Variants in NRG4 observed in about 807,000 individuals in gnomAD.
NRG4 encodes the protein pro-neuregulin-4, membrane-bound isoform.
NRG4 carries 10 observed loss-of-function variants against 15.0 expected under a neutral mutation model. The observed-to-expected ratio is 0.67, with a 90% CI of 0.41 to 1.13. The LOEUF is 1.13. NRG4 is among the 50% of genes most tolerant of loss of function. The pLI is 0.00. For missense variants in NRG4, 139 were observed against 140.2 expected (o/e 0.99, Z 0.04); for synonymous variants, 41 against 50.1 (o/e 0.82, Z 0.77).
chr15:75,941,711 T>C lies in NRG4; in HGVS notation c.*1927A>G, dbSNP rs1382992137. On this transcript the variant is annotated 3_prime_UTR_variant, in exon 6 of 6. Coordinates refer to ENST00000394907, the MANE Select transcript of NRG4 (RefSeq NM_138573.4). ...GAGGTACCTAGACTAGTGAGATTCA[T>C]AGAGACAAAGTAGAACAAAGATTAC... is the stretch of plus-strand genomic sequence containing the variant. 2 of 152,118 alleles carry C rather than the reference T, an allele frequency of 1.3e-5. No homozygotes were observed. Among genetic ancestry groups the C allele is most frequent in the Admixed American group, 6.5e-5 (1 of 15,286 alleles). 9.4% of individuals were successfully genotyped at this position (152,118 alleles called of 1,614,324 possible).
chr15:76,059,280 C>G (rs564199386), intron 1 of NRG4, among the ~76,000 whole-genome samples: 12 of 152,224 alleles, frequency 7.9e-5, no homozygotes, highest in Non-Finnish European at 1.5e-4. Flanking sequence ...AGGCAGCCAA[C>G]TGAGAGTCAA....
In NRG4 at chr15:75,986,815, G is replaced by T. The variant is rs560874087; in HGVS notation, c.104+22385C>A. Among the ~76,000 whole-genome samples, 8 of 152,206 alleles carry T rather than the reference G, an allele frequency of 5.3e-5. No individual in the cohort carries two copies. The East Asian group carries it at 1.5e-3, about 29-fold the overall frequency. On this transcript the variant is annotated intron_variant, in intron 3 of 5. Coordinates refer to ENST00000394907, the MANE Select transcript of NRG4 (RefSeq NM_138573.4). ...GAGGCAAAAATCAGATTAAGGATAT[G>T]GCCCTCCCAAACTAAGCCTAGTTTC...
At chr15:76,023,183 C>CA (rs1555438525) in intron 5 of NRG4, among the ~76,000 whole-genome samples, 3 of 112,460 alleles carry the variant, frequency 2.7e-5, no homozygotes, top group Admixed American at 8.9e-5. Flanking sequence ...CACACACACA[C>CA]AAGCAAGGAC....
rs2034324206 is a variant in NRG4, at chr15:75,999,367, T to G, written c.104+9833A>C. Among the ~76,000 whole-genome samples, 8 of 152,326 alleles carry G rather than the reference T, an allele frequency of 5.3e-5. No individual in the cohort carries two copies. The South Asian group carries it at 1.7e-3, about 32-fold the overall frequency. On this transcript the variant is annotated intron_variant, in intron 3 of 5. Coordinates refer to ENST00000394907, the MANE Select transcript of NRG4 (RefSeq NM_138573.4). ...TTGTGCTGGCATAAGGAGTTGGGGCTTTCTTCACCCTCATGAATGGACTAG... is the reference window on the plus strand; with the variant it reads ...TTGTGCTGGCATAAGGAGTTGGGGCGTTCTTCACCCTCATGAATGGACTAG...
intron 3 of NRG4, among the ~76,000 whole-genome samples, chr15:75,992,432 G>A (rs867084816): frequency 7.3e-5 from 11 of 151,462 alleles, no homozygotes; most frequent in Admixed American, 4.6e-4. Flanking sequence ...TAGTTTTTTC[G>A]TACCTGAAAA....
At chr15:75,992,943 T>C (rs2034074945) in intron 3 of NRG4, among the ~76,000 whole-genome samples, 1 of 152,124 alleles carries the variant, frequency 6.6e-6, no homozygotes, top group Non-Finnish European at 1.5e-5. Context: ...TTTTTAGCTA[T>C]TATGGGTAAT....
chr15:75,993,008 G>A lies in NRG4; in HGVS notation c.104+16192C>T, dbSNP rs148290659. ...ATATTTTTGCAAGATACAAAGTTCT[G>A]GGTTCATAGTTTTTCCCTCTAAGCA... On this transcript the variant is annotated intron_variant, in intron 3 of 5. Transcript: ENST00000394907. Among the ~76,000 whole-genome samples, 835 of 151,670 alleles carry A rather than the reference G, an allele frequency of 5.5e-3. 4 individuals carry two copies. Among genetic ancestry groups the A allele is most frequent in the Non-Finnish European group, 9.0e-3 (609 of 67,904 alleles).
intron 5 of NRG4, among the ~76,000 whole-genome samples, chr15:76,018,443 T>C (rs768705712): frequency 1.3e-5 from 2 of 152,196 alleles, no homozygotes; most frequent in Non-Finnish European, 2.9e-5. Flanking sequence ...TTTGTGCTGG[T>C]TTTTCCTCAT....
At chr15:75,978,786 G>C (rs2033478310) in intron 3 of NRG4, among the ~76,000 whole-genome samples, 1 of 152,072 alleles carries the variant, frequency 6.6e-6, no homozygotes, top group Admixed American at 6.6e-5. Context: ...TTCCCCTATG[G>C]TTAGCGATGT....
intron 4 of NRG4, among the ~76,000 whole-genome samples, chr15:76,040,320 C>CT (rs2035701658): frequency 6.6e-6 from 1 of 151,982 alleles, no homozygotes; most frequent in Non-Finnish European, 1.5e-5. Context: ...ATAATGTATC[C>CT]AGCAAAAATA....
intron 4 of NRG4, among the ~76,000 whole-genome samples, chr15:76,050,237 ATCT>A (rs1485043161): frequency 6.6e-6 from 1 of 150,846 alleles, no homozygotes; most frequent in Non-Finnish European, 1.5e-5. Flanking sequence ...TACTTGGAAG[ATCT>A]TCTAGAAAGA....
intron 5 of NRG4, among the ~76,000 whole-genome samples, chr15:76,032,345 C>T (rs2035494017): frequency 6.6e-6 from 1 of 152,062 alleles, no homozygotes; most frequent in Admixed American, 6.5e-5. Flanking sequence ...AAGAAAACCA[C>T]AGTAGAGACC....
At chr15:76,023,129 TCC>T (rs1491275591) in intron 5 of NRG4, among the ~76,000 whole-genome samples, 1 of 104,582 alleles carries the variant, frequency 9.6e-6, no homozygotes, top group Non-Finnish European at 2.0e-5. Flanking sequence ...GCACCCATAC[TCC>T]ACACACACAC....
At chr15:76,048,688 A>T (rs2035930808) in intron 4 of NRG4, among the ~76,000 whole-genome samples, 1 of 150,586 alleles carries the variant, frequency 6.6e-6, no homozygotes, top group South Asian at 2.1e-4. Flanking sequence ...CCTCTCATAC[A>T]TACCTGGGTC....
upstream of NRG4, chr15:76,060,093 T>C (rs951728097): frequency 2.8e-5 from 2 of 70,806 alleles, no homozygotes; most frequent in Admixed American, 1.4e-4. Context: ...GGGCGGGGGG[T>C]GGGGGGACCG....
intron 4 of NRG4, among the ~76,000 whole-genome samples, chr15:76,041,398 A>C (rs560324407): frequency 6.6e-6 from 1 of 151,882 alleles, no homozygotes; most frequent in African/African-American, 2.4e-5. Flanking sequence ...AAAAAACCCA[A>C]AAAAAACCCA....
At chr15:75,945,340 G>T in intron 5 of NRG4, among the ~76,000 whole-genome samples, 1 of 150,058 alleles carries the variant, frequency 6.7e-6, no homozygotes. Flanking sequence ...TGCAACCTCC[G>T]CTCGGGTTCA....
intron 5 of NRG4, among the ~76,000 whole-genome samples, chr15:76,035,198 A>C (rs570552627): frequency 6.6e-6 from 1 of 152,304 alleles, no homozygotes; most frequent in East Asian, 1.9e-4. Context: ...TTTTAGCCTC[A>C]TGCTTGTCAT....
chr15:75,961,619 A>G (rs140454060), intron 4 of NRG4, among the ~76,000 whole-genome samples: 93 of 152,320 alleles, frequency 6.1e-4, no homozygotes, highest in Middle Eastern at 3.4e-3. Context: ...AGTCAAGGTA[A>G]ATATTGACAA....
Sources: gnomAD v4.1 joint callset for allele counts (sites outside exome capture counted in the v4.1 genomes callset) on GRCh38, gnomAD v4.1.1 for gene constraint, MANE v1.5 for transcripts, NCBI Gene and HGNC (gene_info 2026-07-23, HGNC 2026-07-21) for gene names.